Variants in CCDC146 observed in about 807,000 individuals in gnomAD.
CCDC146 encodes coiled-coil domain-containing protein 146.
A neutral mutation model predicts 119.3 loss-of-function variants in CCDC146; 92 were observed. That is an observed-to-expected ratio of 0.77 (90% CI 0.65 to 0.92). The LOEUF (loss-of-function observed/expected upper bound fraction) is 0.92, where lower values mean the gene tolerates loss of function less well. CCDC146 is among the 40% of genes least tolerant of loss of function. CCDC146 has a pLI of 0.00. For synonymous variants in CCDC146, 372 were observed against 371.8 expected, an observed-to-expected ratio of 1.00 and a Z score of -0.01; for missense variants, 1,000 against 1,103.0, an observed-to-expected ratio of 0.91 and a Z score of 1.32.
intron 1 of CCDC146, among the ~76,000 whole-genome samples, chr7:77,151,520 A>G (rs1431445362): frequency 6.6e-6 from 1 of 152,162 alleles, no homozygotes; most frequent in Admixed American, 6.5e-5. Context: ...GGAAACGTTT[A>G]TGGTAGTGAT....
At chr7:77,231,667 T>C (rs1792630680) in intron 2 of CCDC146, among the ~76,000 whole-genome samples, 1 of 152,082 alleles carries the variant, frequency 6.6e-6, no homozygotes, top group Non-Finnish European at 1.5e-5. Context: ...TTACTGACAA[T>C]CTCTATTTGA....
At chr7:77,210,792 C>T (rs988948134) in intron 2 of CCDC146, among the ~76,000 whole-genome samples, 1 of 152,086 alleles carries the variant, frequency 6.6e-6, no homozygotes, top group African/African-American at 2.4e-5. Context: ...TGACAGAAGG[C>T]AAAGGGGAAG....
chr7:77,218,255 T>C lies in CCDC146; in HGVS notation c.157-18692T>C, dbSNP rs547217144. 5.3e-5 allele frequency among the ~76,000 whole-genome samples: 8 copies of C among 151,464 alleles called. No individual in the cohort carries two copies. The East Asian group carries it at 1.5e-3, about 29-fold the overall frequency. ...TATTTATATACCTATATATGAATTA[T>C]AACCTTTGTAATTTATAAGGTTATA... On this transcript the variant is annotated intron_variant, in intron 2 of 18. Transcript: ENST00000285871.
chr7:77,242,699 C>T (rs1792872987), intron 4 of CCDC146, among the ~76,000 whole-genome samples: 1 of 152,152 alleles, frequency 6.6e-6, no homozygotes, highest in Admixed American at 6.5e-5. Context: ...ACCGTTTCTC[C>T]TAGAGTTTGT....
chr7:77,222,297 G>A (rs1273340727), intron 2 of CCDC146, among the ~76,000 whole-genome samples: 1 of 152,200 alleles, frequency 6.6e-6, no homozygotes, highest in East Asian at 1.9e-4. Flanking sequence ...TGGCAGAAGG[G>A]GAAGTGAAGG....
chr7:77,221,870 G>T (rs1259947426), intron 2 of CCDC146, among the ~76,000 whole-genome samples: 1 of 152,114 alleles, frequency 6.6e-6, no homozygotes, highest in African/African-American at 2.4e-5. Flanking sequence ...CACCCAAAAC[G>T]AAACACTTGC....
rs530234868 is a variant in CCDC146 at position 77,235,906 on chromosome 7, C to T, written c.157-1041C>T. Among the ~76,000 whole-genome samples, 3 of 152,172 alleles carry T rather than the reference C, an allele frequency of 2.0e-5. No homozygotes were observed. In the South Asian group the frequency reaches 6.2e-4, roughly 32 times the overall value. On this transcript the variant is annotated intron_variant, in intron 2 of 18. Transcript: ENST00000285871. The stretch of plus-strand genomic sequence containing the variant: ...CTAACATGGTGAACCCCCATCCCTA[C>T]TAAAAATACAAAAAATTAGCTGGGC...
At position 77,243,736 on chromosome 7, in the gene CCDC146, G is replaced by C. The variant is rs532131105; in HGVS notation, c.449+1836G>C. ...GGCAGGTCCTTCAGGAGGTATTCCAGAAAAAGGCATTGTTATAGGAGATAA... is the reference window on the plus strand; with the variant it reads ...GGCAGGTCCTTCAGGAGGTATTCCACAAAAAGGCATTGTTATAGGAGATAA... On this transcript the variant is annotated intron_variant, in intron 4 of 18. Coordinates refer to ENST00000285871, the MANE Select transcript of CCDC146 (RefSeq NM_020879.3). Among the ~76,000 whole-genome samples the C allele has an allele frequency of 2.6e-5, 4 of 152,278 alleles. No individual in the cohort carries two copies. In the East Asian group the frequency reaches 7.7e-4, roughly 29 times the overall value.
intron 1 of CCDC146, among the ~76,000 whole-genome samples, chr7:77,145,514 T>A (rs1791002579): frequency 6.6e-6 from 1 of 151,590 alleles, no homozygotes; most frequent in Non-Finnish European, 1.5e-5. Flanking sequence ...GATGTTAGGG[T>A]GTCAGTTTTA....
At chr7:77,160,116 C>T (rs1371005713) in intron 1 of CCDC146, among the ~76,000 whole-genome samples, 1 of 152,114 alleles carries the variant, frequency 6.6e-6, no homozygotes, top group Admixed American at 6.6e-5. Flanking sequence ...CTATTCTGTT[C>T]CATTGATCTA....
intron 2 of CCDC146, among the ~76,000 whole-genome samples, chr7:77,182,576 A>G (rs1791606039): frequency 6.6e-6 from 1 of 152,124 alleles, no homozygotes; most frequent in Admixed American, 6.6e-5. Flanking sequence ...GTTTGAGACC[A>G]GCCTGGCAGC....
At chr7:77,188,855 C>T (rs1003375694) in intron 2 of CCDC146, among the ~76,000 whole-genome samples, 1 of 152,142 alleles carries the variant, frequency 6.6e-6, no homozygotes, top group African/African-American at 2.4e-5. Context: ...CTGCCCTCAC[C>T]ATAAAGTGTC....
chr7:77,261,974 G>T (rs1793308571), intron 8 of CCDC146, 147 bp from the exon 9 acceptor site: 1 of 613,214 alleles, frequency 1.6e-6, no homozygotes, highest in Non-Finnish European at 2.8e-6. Flanking sequence ...TAATAGGATT[G>T]CTGGGTCAAA....
At chr7:77,247,613 C>T (rs901620004) in intron 4 of CCDC146, among the ~76,000 whole-genome samples, 25 of 152,092 alleles carry the variant, frequency 1.6e-4, no homozygotes, top group Non-Finnish European at 5.9e-5. Flanking sequence ...TCAAAAATAA[C>T]ATAATCCCAT....
intron 2 of CCDC146, chr7:77,199,395 T>C (rs767168412): frequency 6.2e-7 from 1 of 1,614,172 alleles, no homozygotes; most frequent in Non-Finnish European, 8.5e-7. Flanking sequence ...CCTCACTCTC[T>C]AATTCTCTAA....
At chr7:77,132,900 G>A (rs1199905170) in intron 1 of CCDC146, among the ~76,000 whole-genome samples, 1 of 151,848 alleles carries the variant, frequency 6.6e-6, no homozygotes. Context: ...GGCCGGGCAC[G>A]GTGGCTTATG....
At chr7:77,176,371 A>G (rs1212774886) in intron 2 of CCDC146, among the ~76,000 whole-genome samples, 2 of 151,224 alleles carry the variant, frequency 1.3e-5, no homozygotes, top group Non-Finnish European at 2.9e-5. Context: ...GAATACATTT[A>G]GGAGAGATGT....
intron 1 of CCDC146, among the ~76,000 whole-genome samples, chr7:77,151,021 T>G (rs939285870): frequency 2.6e-5 from 4 of 152,208 alleles, no homozygotes; most frequent in African/African-American, 9.7e-5. Context: ...ATAAACAACA[T>G]AAATGTTATT....
At chr7:77,168,516 A>G (rs1791372206) in intron 2 of CCDC146, among the ~76,000 whole-genome samples, 1 of 152,110 alleles carries the variant, frequency 6.6e-6, no homozygotes, top group Admixed American at 6.5e-5. Context: ...TCATAGTAAA[A>G]AATAAGTTTA....
Sources: gnomAD v4.1 joint callset for allele counts (sites outside exome capture counted in the v4.1 genomes callset) on GRCh38, gnomAD v4.1.1 for gene constraint, MANE v1.5 for transcripts, NCBI Gene and HGNC (gene_info 2026-07-23, HGNC 2026-07-21) for gene names.